ERN1: variants seen among roughly 807,000 people sequenced by gnomAD.
ERN1 encodes the protein endoplasmic reticulum to nucleus signaling 1.
ERN1 carries 39 observed loss-of-function variants against 113.1 expected under a neutral mutation model. That is an observed-to-expected ratio of 0.34 (90% CI 0.27 to 0.45). ERN1 has a LOEUF of 0.45. Among genes scored for constraint, ERN1 ranks in the 20% least tolerant of loss-of-function variants. The pLI is 1.00. For synonymous variants in ERN1, 507 were observed against 515.9 expected, an observed-to-expected ratio of 0.98 and a Z score of 0.23; for missense variants, 976 against 1,274.8, an observed-to-expected ratio of 0.77 and a Z score of 3.57.
intron 11 of ERN1, among the ~76,000 whole-genome samples, chr17:64,058,796 C>T (rs541184948): frequency 6.6e-6 from 1 of 152,272 alleles, no homozygotes; most frequent in African/African-American, 2.4e-5. Flanking sequence ...CACGCCATTT[C>T]ACCCCTCCCC....
chr17:64,121,043 C>T (rs1005855300), intron 1 of ERN1, among the ~76,000 whole-genome samples: 7 of 152,194 alleles, frequency 4.6e-5, no homozygotes, highest in African/African-American at 1.4e-4. Context: ...GATGAACCAG[C>T]AAGGGAAGTG....
chr17:64,065,492 A>G (rs540952675), intron 8 of ERN1, among the ~76,000 whole-genome samples: 1 of 152,306 alleles, frequency 6.6e-6, no homozygotes, highest in South Asian at 2.1e-4. Flanking sequence ...CTCACTGCAG[A>G]AACATGGACA....
At chr17:64,106,043 A>G (rs1914518302) in intron 1 of ERN1, among the ~76,000 whole-genome samples, 2 of 152,324 alleles carry the variant, frequency 1.3e-5, no homozygotes, top group Admixed American at 1.3e-4. Context: ...AATATCATAC[A>G]ATACCATGTG....
chr17:64,048,952 C>G (rs1006334572), intron 18 of ERN1, 103 bp downstream of exon 18: 11 of 1,198,046 alleles, frequency 9.2e-6, no homozygotes, highest in East Asian at 2.7e-5. Flanking sequence ...GCAGCTGGGG[C>G]ACCACGGCCT....
chr17:64,086,789 G>A (rs983086339), intron 2 of ERN1, among the ~76,000 whole-genome samples: 2 of 151,826 alleles, frequency 1.3e-5, no homozygotes, highest in Middle Eastern at 3.4e-3. Flanking sequence ...TGGGACTACA[G>A]GCGTGTGCCA....
chr17:64,084,398 C>A (rs1327356146), intron 2 of ERN1, among the ~76,000 whole-genome samples: 1 of 152,096 alleles, frequency 6.6e-6, no homozygotes, highest in African/African-American at 2.4e-5. Flanking sequence ...CAAGCCTTCC[C>A]TCCTCTCTTA....
At chr17:64,062,156 G>C (rs140215807) in intron 10 of ERN1, among the ~76,000 whole-genome samples, 9 of 152,314 alleles carry the variant, frequency 5.9e-5, no homozygotes, top group Admixed American at 5.9e-4. Context: ...CAGATGGCTA[G>C]GCCCTGCCCC....
In ERN1 at chr17:64,049,514, C is replaced by T. The variant is rs1598044551; in HGVS notation, c.2254-312G>A. ...ATTAATATGCAAAAATGGTTGCTTA[C>T]GACAGTGCTTGGCCCATCAAAAGCC... On this transcript the variant is annotated intron_variant, in intron 17 of 21. Coordinates refer to ENST00000433197, the MANE Select transcript of ERN1 (RefSeq NM_001433.5). This position sits in a 1 kb window ranked among gnomAD's most constrained non-coding sequence, Gnocchi z 4.7. Among the ~76,000 whole-genome samples, 2 of 152,132 alleles carry T rather than the reference C, an allele frequency of 1.3e-5. No homozygotes were observed. Among genetic ancestry groups the T allele is most frequent in the African/African-American group, 2.4e-5 (1 of 41,406 alleles).
chr17:64,125,877 A>G (rs991855994), intron 1 of ERN1, among the ~76,000 whole-genome samples: 19 of 152,348 alleles, frequency 1.2e-4, no homozygotes, highest in African/African-American at 4.6e-4. Context: ...AACATTTTCT[A>G]CCGGGTTACA....
chr17:64,091,002 A>C (rs1414480396), intron 2 of ERN1, among the ~76,000 whole-genome samples: 1 of 152,236 alleles, frequency 6.6e-6, no homozygotes, highest in African/African-American at 2.4e-5. Context: ...CTTAATTTTC[A>C]ATCCTTCACA....
intron 1 of ERN1, among the ~76,000 whole-genome samples, chr17:64,122,070 G>A (rs1210879413): frequency 1.3e-5 from 2 of 152,222 alleles, no homozygotes; most frequent in Non-Finnish European, 2.9e-5. Flanking sequence ...CTCAGGGTAT[G>A]ACTGAGGGTA....
At chr17:64,069,422 G>A (rs7223207) in intron 6 of ERN1, among the ~76,000 whole-genome samples, 7,435 of 152,140 alleles carry the variant, frequency 0.049, 601 homozygotes, top group African/African-American at 0.17. Context: ...GACAAGGAAC[G>A]GACTGAGAAA....
In ERN1 at chr17:64,040,110, AAT is replaced by A. The variant is rs1278352321; in HGVS notation, c.*3876_*3877del. 6.6e-6 allele frequency: 1 copy of A among 152,244 alleles called. No individual in the cohort carries two copies. Among genetic ancestry groups the A allele is most frequent in the Non-Finnish European group, 1.5e-5 (1 of 68,080 alleles). 9.4% of individuals were successfully genotyped at this position (152,244 alleles called of 1,614,324 possible). ...CCAAAGCCAGGACATAGTCAACCAA[AAT>A]AACTCCAGGTTGGTGAGGGAAGGGA... On this transcript the variant is annotated 3_prime_UTR_variant, in exon 22 of 22. Coordinates refer to ENST00000433197, the MANE Select transcript of ERN1 (RefSeq NM_001433.5).
intron 1 of ERN1, among the ~76,000 whole-genome samples, chr17:64,112,360 T>A: frequency 7.5e-6 from 1 of 133,024 alleles, no homozygotes; most frequent in African/African-American, 2.9e-5. Flanking sequence ...AGACCGAGAC[T>A]CTGTCTCAAA....
intron 4 of ERN1, among the ~76,000 whole-genome samples, chr17:64,077,799 G>A (rs1913642531): frequency 1.3e-5 from 2 of 151,266 alleles, no homozygotes; most frequent in Admixed American, 6.6e-5. Flanking sequence ...AGGCTGGAGT[G>A]TAGTGGCGTG....
chr17:64,064,093 C>T lies in ERN1; in HGVS notation c.980G>A (p.Gly327Glu). The stretch of plus-strand genomic sequence containing the variant: ...CGTGATCACACACTCCCCCTTGTCC[C>T]CAATGGTGACGCCATCAGTCTGGGG... ...EGPQTDGVTI[G>E]DKGECVITPS... The change falls in exon 10 of 22, where the codon GGG (glycine) becomes GAG (glutamate). Residue 327 changes from glycine (G) to glutamate (E), a missense_variant. Gly to Glu is a moderately conservative substitution (Grantham distance 98, BLOSUM62 -2). Coordinates refer to ENST00000433197, the MANE Select transcript of ERN1 (RefSeq NM_001433.5). The T allele has an allele frequency of 6.2e-7, 1 of 1,612,712 alleles. No individual in the cohort carries two copies. Among genetic ancestry groups the T allele is most frequent in the Non-Finnish European group, 8.5e-7 (1 of 1,179,312 alleles).
At chr17:64,106,790 G>C (rs944303859) in intron 1 of ERN1, among the ~76,000 whole-genome samples, 1 of 136,228 alleles carries the variant, frequency 7.3e-6, no homozygotes, top group Non-Finnish European at 1.6e-5. Flanking sequence ...TCTCTCATAG[G>C]ACACCAGTCC....
intron 1 of ERN1, among the ~76,000 whole-genome samples, chr17:64,106,815 T>TAC (rs929551094): frequency 1.1e-4 from 16 of 150,600 alleles, no homozygotes; most frequent in Admixed American, 5.3e-4. Flanking sequence ...GGGTTTCTTA[T>TAC]ACACACACAC....
rs2143312310 is a variant in ERN1, at chr17:64,044,778, A to G, written c.2721+82T>C. On this transcript the variant is annotated intron_variant, in intron 21 of 21. Coordinates refer to ENST00000433197, the MANE Select transcript of ERN1 (RefSeq NM_001433.5). This position sits in a 1 kb window ranked among gnomAD's most constrained non-coding sequence, Gnocchi z 4.1. ...ATGAGAATGCCAGTACAGATAAAAG[A>G]TTTATAAAGAATGGATGAAAGGAGG... 1.0e-6 allele frequency: 1 copy of G among 977,036 alleles called. No homozygotes were observed. Among genetic ancestry groups the G allele is most frequent in the East Asian group, 2.6e-5 (1 of 38,418 alleles). The allele number at this position is 977,036 out of a possible 1,614,324, so 60.5% of individuals were successfully genotyped here. A position where few individuals can be genotyped will look rare whatever the true frequency, so the allele number is the denominator to read the frequency against.
Sources: gnomAD v4.1 joint callset for allele counts (sites outside exome capture counted in the v4.1 genomes callset) on GRCh38, gnomAD v4.1.1 for gene constraint, Gnocchi (gnomAD v3.1) non-coding constraint, MANE v1.5 for transcripts, NCBI Gene and HGNC (gene_info 2026-07-23, HGNC 2026-07-21) for gene names.